The following ADGRL4 variants were observed in gnomAD, a reference collection of about 807,000 sequenced individuals.
The protein encoded by ADGRL4 is adhesion G protein-coupled receptor L4.
Under a neutral mutation model 74.8 loss-of-function variants are expected in ADGRL4, and 90 were observed. That is an observed-to-expected ratio of 1.20 (90% CI 1.02 to 1.43). ADGRL4 has a LOEUF of 1.43. Among genes scored for constraint, ADGRL4 ranks in the 40% most tolerant of loss-of-function variants. The pLI is 0.00. For synonymous variants in ADGRL4, 311 were observed against 279.2 expected (o/e 1.11, Z -1.14); for missense variants, 881 against 814.3 (o/e 1.08, Z -1.00).
rs371628964 is a variant in ADGRL4 at position 79,006,686 on chromosome 1, G to T, written c.-32C>A. ...TGGCCGCAGTGGTGGCGGTGGCGGA[G>T]AGCGCGGCGGAGTGAGTGCGGCTGT... On this transcript the variant is annotated 5_prime_UTR_variant, in exon 1 of 15. Transcript: ENST00000370742. The T allele has an allele frequency of 3.4e-6, 5 of 1,466,168 alleles. No homozygotes were observed. In the African/African-American group the frequency reaches 5.9e-5, roughly 17 times the overall value. 90.8% of individuals were successfully genotyped at this position (1,466,168 alleles called of 1,614,324 possible).
At chr1:78,929,344 G>T (rs530876215) in intron 7 of ADGRL4, among the ~76,000 whole-genome samples, 55 of 151,082 alleles carry the variant, frequency 3.6e-4, no homozygotes, top group Non-Finnish European at 6.3e-4. Flanking sequence ...GCAAAACCAC[G>T]TCTCTACAAA....
At chr1:78,909,840 A>G (rs1648722440) in intron 12 of ADGRL4, among the ~76,000 whole-genome samples, 3 of 151,914 alleles carry the variant, frequency 2.0e-5, no homozygotes, top group African/African-American at 7.2e-5. Context: ...TATTGGAATA[A>G]AGATTCTCTG....
At chr1:78,979,249 G>T (rs1650352571) in intron 2 of ADGRL4, among the ~76,000 whole-genome samples, 1 of 151,830 alleles carries the variant, frequency 6.6e-6, no homozygotes, top group Admixed American at 6.6e-5. Flanking sequence ...AAAAACCTTT[G>T]TTTTCAAAAC....
At chr1:78,901,065 A>T (rs1470790664) in intron 12 of ADGRL4, among the ~76,000 whole-genome samples, 1 of 152,152 alleles carries the variant, frequency 6.6e-6, no homozygotes, top group African/African-American at 2.4e-5. Flanking sequence ...TCCTTCACAT[A>T]GGATTGCCAG....
chr1:78,966,372 A>G (rs955867857), intron 2 of ADGRL4, among the ~76,000 whole-genome samples: 2 of 152,186 alleles, frequency 1.3e-5, no homozygotes, highest in African/African-American at 4.8e-5. Flanking sequence ...TGCAAACTTA[A>G]TATCTCATGA....
At chr1:78,972,805 C>T (rs372479333) in intron 2 of ADGRL4, among the ~76,000 whole-genome samples, 3 of 152,172 alleles carry the variant, frequency 2.0e-5, no homozygotes, top group Non-Finnish European at 4.4e-5. Context: ...CATTTGCATA[C>T]GGTTCCCACC....
intron 2 of ADGRL4, among the ~76,000 whole-genome samples, chr1:78,951,957 T>C (rs1246041335): frequency 6.6e-6 from 1 of 152,220 alleles, no homozygotes; most frequent in Non-Finnish European, 1.5e-5. Context: ...TATGATTATG[T>C]TATCTTCTTT....
rs1194004971 is a variant in ADGRL4, at chr1:78,938,080, T to A, written c.576+20A>T. ...AAATTCAAAGCTCAATTATATTGAGTTAAAGCTGAACATACTTACAGTAAG... is the reference window on the plus strand; with the variant it reads ...AAATTCAAAGCTCAATTATATTGAGATAAAGCTGAACATACTTACAGTAAG... On this transcript the variant is annotated intron_variant, in intron 5 of 14. Coordinates refer to ENST00000370742, the MANE Select transcript of ADGRL4 (RefSeq NM_022159.4). 4 of 1,610,448 alleles carry A rather than the reference T, an allele frequency of 2.5e-6. No homozygotes were observed. The highest frequency in any genetic ancestry group is 1.7e-4 in the Middle Eastern group (1 of 6,040).
rs1484316586 is a variant in ADGRL4, at chr1:78,891,134, T to G, written c.*20A>C. 3.1e-6 allele frequency: 5 copies of G among 1,610,304 alleles called. No individual in the cohort carries two copies. In the South Asian group the frequency reaches 5.5e-5, roughly 18 times the overall value. On this transcript the variant is annotated 3_prime_UTR_variant, in exon 15 of 15. Coordinates refer to ENST00000370742, the MANE Select transcript of ADGRL4 (RefSeq NM_022159.4). ...AATTTTTATTTTTGTGCAGTTGTAA[T>G]TATCCACCATTCTCTATGTTTACCT... is the stretch of plus-strand genomic sequence containing the variant.
chr1:78,912,810 A>T (rs576752265), intron 12 of ADGRL4, among the ~76,000 whole-genome samples: 6 of 151,956 alleles, frequency 3.9e-5, no homozygotes, highest in Non-Finnish European at 1.5e-5. Context: ...TAAACTAAAA[A>T]GCTTCTGCAC....
chr1:78,936,319 T>C lies in ADGRL4; in HGVS notation c.853A>G (p.Arg285Gly). ...DGDYINIFPK[R>G]KAAYDSNGNV... The stretch of plus-strand genomic sequence containing the variant: ...CCATTTGAATCATATGCAGCTTTTC[T>C]CTTTGGAAATATATTTATGTAGTCT... Residue 285 changes from arginine to glycine, a missense_variant, in exon 7 of 15, where the codon AGA becomes GGA. Physicochemically the swap from Arg to Gly is moderately radical, Grantham distance 125 (BLOSUM62 -2). Coordinates refer to ENST00000370742, the MANE Select transcript of ADGRL4 (RefSeq NM_022159.4). The C allele has an allele frequency of 6.3e-7, 1 of 1,595,056 alleles. No homozygotes were observed.
chr1:78,925,472 T>C (rs1402319097), intron 8 of ADGRL4, among the ~76,000 whole-genome samples: 6 of 152,042 alleles, frequency 3.9e-5, no homozygotes, highest in Non-Finnish European at 8.8e-5. Flanking sequence ...TGAGGTACTG[T>C]AGAATTATGT....
intron 2 of ADGRL4, among the ~76,000 whole-genome samples, chr1:78,955,868 T>G (rs1649818977): frequency 6.6e-6 from 1 of 152,112 alleles, no homozygotes; most frequent in African/African-American, 2.4e-5. Flanking sequence ...AGACACATCA[T>G]CAGTGCAATA....
At chr1:78,996,005 T>C (rs998214590) in intron 2 of ADGRL4, among the ~76,000 whole-genome samples, 1 of 152,216 alleles carries the variant, frequency 6.6e-6, no homozygotes, top group East Asian at 1.9e-4. Context: ...AATTAAAACG[T>C]GGAGGATAAT....
In ADGRL4 at chr1:78,985,874, C is replaced by A. The variant is rs370330415; in HGVS notation, c.172+19196G>T. Among the ~76,000 whole-genome samples the A allele has an allele frequency of 6.6e-5, 10 of 151,764 alleles. No individual in the cohort carries two copies. The East Asian group carries it at 1.6e-3, about 24-fold the overall frequency. On this transcript the variant is annotated intron_variant, in intron 2 of 14. Coordinates refer to ENST00000370742, the MANE Select transcript of ADGRL4 (RefSeq NM_022159.4). ...AAAGGACGAGATAATGTTCTTTGCA[C>A]CAACATAGAGTTAAAGGCCATTATG...
Position 78,946,357 on chromosome 1 carries a change from C to T in ADGRL4, c.242G>A (p.Ser81Asn). Residue 81 changes from serine (S) to asparagine (N), a missense_variant, in exon 3 of 15, where the codon AGT becomes AAT. Coordinates refer to ENST00000370742, the MANE Select transcript of ADGRL4 (RefSeq NM_022159.4). Reference sequence around the variant, plus strand: ...GCCAGGTACACACATACAATAATAACTTCCTTCTGTGTTAGTGCAATTAGC... The same window carrying T: ...GCCAGGTACACACATACAATAATAATTTCCTTCTGTGTTAGTGCAATTAGC... ...ENANCTNTEGSYYCMCVPGFR... is the reference protein window; with the variant it reads ...ENANCTNTEGNYYCMCVPGFR... The T allele has an allele frequency of 6.2e-6, 10 of 1,613,246 alleles. No individual in the cohort carries two copies. Among genetic ancestry groups the T allele is most frequent in the African/African-American group, 1.3e-5 (1 of 74,992 alleles).
intron 8 of ADGRL4, among the ~76,000 whole-genome samples, chr1:78,924,722 C>T (rs1649076535): frequency 6.6e-6 from 1 of 152,034 alleles, no homozygotes; most frequent in African/African-American, 2.4e-5. Context: ...AATTTATTAA[C>T]ACCAGGGAAA....
intron 2 of ADGRL4, among the ~76,000 whole-genome samples, chr1:78,966,933 T>C (rs1457925310): frequency 6.6e-6 from 1 of 151,624 alleles, no homozygotes; most frequent in Non-Finnish European, 1.5e-5. Context: ...AAAATCCCTG[T>C]TTATATTCTT....
rs141345572 is a variant in ADGRL4, at chr1:79,004,316, G to A, written c.172+754C>T. On this transcript the variant is annotated intron_variant, in intron 2 of 14. Transcript: ENST00000370742. Reference sequence around the variant, plus strand: ...CACAGGACGTTGGTCTATGGATCCAGTTAAAACTAGATTTTACTGAAAATG... The same window carrying A: ...CACAGGACGTTGGTCTATGGATCCAATTAAAACTAGATTTTACTGAAAATG... Among the ~76,000 whole-genome samples, 24 of 152,100 alleles carry A rather than the reference G, an allele frequency of 1.6e-4. No homozygotes were observed. In the East Asian group the frequency reaches 4.0e-3, roughly 26 times the overall value.
Sources: allele counts gnomAD v4.1 joint callset (sites outside exome capture counted in the v4.1 genomes callset), GRCh38; gene constraint gnomAD v4.1.1; transcripts MANE v1.5; gene names NCBI Gene and HGNC (gene_info 2026-07-23, HGNC 2026-07-21).